FHOD3: variants seen among roughly 807,000 people sequenced by gnomAD.
The protein encoded by FHOD3 is formin homology 2 domain containing 3, also known as FH1/FH2 domain-containing protein 3.
A neutral mutation model predicts 173.0 loss-of-function variants in FHOD3; 90 were observed. The ratio of observed to expected loss-of-function variants is 0.52; its 90% CI spans 0.44 to 0.62. The LOEUF is 0.62. Ranked by LOEUF, FHOD3 falls within the 20% of genes least tolerant of loss-of-function variation. The probability of loss-of-function intolerance (pLI) is 0.00; values close to 1 mark genes in which losing one functional copy is unlikely to be tolerated. For synonymous variants in FHOD3, 828 were observed against 823.0 expected, an observed-to-expected ratio of 1.01 and a Z score of -0.10; for missense variants, 1,945 against 2,034.7, an observed-to-expected ratio of 0.96 and a Z score of 0.85.
chr18:36,517,503 G>A (rs2056056183), intron 5 of FHOD3, among the ~76,000 whole-genome samples: 1 of 152,060 alleles, frequency 6.6e-6, no homozygotes, highest in Non-Finnish European at 1.5e-5. Flanking sequence ...GAGGAGAAAA[G>A]AGAGAGAGAG....
chr18:36,309,395 G>A (rs1230336671), intron 1 of FHOD3, among the ~76,000 whole-genome samples: 1 of 152,206 alleles, frequency 6.6e-6, no homozygotes, highest in East Asian at 1.9e-4. Flanking sequence ...AGTGGTGGCT[G>A]CAGAGTCCAA....
Position 36,414,781 on chromosome 18 carries a change from C to T in FHOD3, c.337+42037C>T, listed in dbSNP as rs545845694. Among the ~76,000 whole-genome samples the T allele has an allele frequency of 5.9e-5, 9 of 152,264 alleles. No homozygotes were observed. The South Asian group carries it at 1.9e-3, about 32-fold the overall frequency. ...GTTTTAACCCTCACAGCCTGCCAGA[C>T]AGGTGGCAGGGGGTTTCTGGGGGCA... On this transcript the variant is annotated intron_variant, in intron 3 of 28. Coordinates refer to ENST00000590592, the MANE Select transcript of FHOD3 (RefSeq NM_001281740.3).
chr18:36,428,323 G>T (rs1307777750), intron 3 of FHOD3, among the ~76,000 whole-genome samples: 2 of 152,168 alleles, frequency 1.3e-5, no homozygotes, highest in Admixed American at 1.3e-4. Flanking sequence ...TGTGTAGTAA[G>T]CGTTAAAGGA....
chr18:36,370,087 C>T (rs1226775465), intron 2 of FHOD3, among the ~76,000 whole-genome samples: 6 of 152,098 alleles, frequency 3.9e-5, no homozygotes, highest in Non-Finnish European at 5.9e-5. Flanking sequence ...CTGTTGTGAA[C>T]CTGGCTGAAT....
intron 14 of FHOD3, among the ~76,000 whole-genome samples, chr18:36,669,383 CT>C (rs551204385): frequency 5.3e-5 from 8 of 151,600 alleles, no homozygotes; most frequent in Non-Finnish European, 7.4e-5. Flanking sequence ...TTAATCCAGT[CT>C]GATAATCTCT....
At chr18:36,419,827 T>C (rs1232141767) in intron 3 of FHOD3, among the ~76,000 whole-genome samples, 2 of 152,242 alleles carry the variant, frequency 1.3e-5, no homozygotes, top group Non-Finnish European at 2.9e-5. Context: ...CTCTCTTTTA[T>C]CCTTCTTTCC....
chr18:36,370,974 C>T (rs1041097990), intron 2 of FHOD3, among the ~76,000 whole-genome samples: 1 of 152,172 alleles, frequency 6.6e-6, no homozygotes, highest in Admixed American at 6.5e-5. Context: ...GTGTTCATGT[C>T]AGGATTTTTG....
At chr18:36,641,121 T>C (rs910892474) in intron 10 of FHOD3, among the ~76,000 whole-genome samples, 3 of 151,988 alleles carry the variant, frequency 2.0e-5, no homozygotes, top group African/African-American at 7.2e-5. Context: ...CTCAGGGCCA[T>C]GGAACTGCAG....
At chr18:36,619,296 G>A (rs1034781782) in intron 9 of FHOD3, among the ~76,000 whole-genome samples, 10 of 152,142 alleles carry the variant, frequency 6.6e-5, no homozygotes, top group Non-Finnish European at 1.3e-4. Context: ...AGCTCTGACT[G>A]TATCTGACAT....
At chr18:36,445,602 T>C (rs193065120) in intron 3 of FHOD3, among the ~76,000 whole-genome samples, 40 of 152,326 alleles carry the variant, frequency 2.6e-4, no homozygotes, top group African/African-American at 6.7e-4. Flanking sequence ...TTATTTGAAG[T>C]AGGAAGAGAT....
At position 36,468,242 on chromosome 18, in the gene FHOD3, G is replaced by A. The variant is rs185220945; in HGVS notation, c.338-33690G>A. 2.0e-5 allele frequency among the ~76,000 whole-genome samples: 3 copies of A among 152,274 alleles called. No homozygotes were observed. The East Asian group carries it at 5.8e-4, about 30-fold the overall frequency. On this transcript the variant is annotated intron_variant, in intron 3 of 28. Transcript: ENST00000590592. ...TCCACCTTAATGACTCTGCAGTGCC[G>A]AAGCCATAGGGATAAGTGGCTACCT...
At chr18:36,652,451 T>C in intron 11 of FHOD3, 119 bp from the exon 12 acceptor site, 1 of 1,248,252 alleles carries the variant, frequency 8.0e-7, no homozygotes, top group Non-Finnish European at 1.1e-6. Flanking sequence ...AGCTTGACTT[T>C]GAAGTGAGTG....
intron 2 of FHOD3, among the ~76,000 whole-genome samples, chr18:36,364,128 C>G (rs964959092): frequency 6.6e-6 from 1 of 152,080 alleles, no homozygotes; most frequent in Admixed American, 6.5e-5. Context: ...TGCCCCACAC[C>G]CTTGTCATAT....
rs922553994 is a variant in FHOD3, at chr18:36,668,457, A to G, written c.1835+10269A>G. On this transcript the variant is annotated intron_variant, in intron 14 of 28. Transcript: ENST00000590592. ...GAGATTTATCAATTTTTTTTTGACCACAAAGAACCAGTTTTTGGTTTCATT... is the reference window on the plus strand; with the variant it reads ...GAGATTTATCAATTTTTTTTTGACCGCAAAGAACCAGTTTTTGGTTTCATT... Among the ~76,000 whole-genome samples, 3 of 151,720 alleles carry G rather than the reference A, an allele frequency of 2.0e-5. No individual in the cohort carries two copies. In the South Asian group the frequency reaches 6.2e-4, roughly 31 times the overall value.
At chr18:36,422,894 C>G (rs746351891) in intron 3 of FHOD3, among the ~76,000 whole-genome samples, 2 of 152,084 alleles carry the variant, frequency 1.3e-5, no homozygotes, top group African/African-American at 4.8e-5. Context: ...ATTTTTGAAA[C>G]TGAGCAGAAA....
At chr18:36,750,401 A>G (rs1460549640) in intron 24 of FHOD3, among the ~76,000 whole-genome samples, 1 of 152,242 alleles carries the variant, frequency 6.6e-6, no homozygotes, top group Non-Finnish European at 1.5e-5. Flanking sequence ...TGTCAGATGC[A>G]TAGTGTGCAA....
At chr18:36,372,453 A>G (rs2047237697) in intron 2 of FHOD3, among the ~76,000 whole-genome samples, 1 of 152,248 alleles carries the variant, frequency 6.6e-6, no homozygotes, top group Non-Finnish European at 1.5e-5. Flanking sequence ...GGAGCTTGGC[A>G]GTGAGATGCA....
At chr18:36,399,967 A>G (rs930430227) in intron 3 of FHOD3, among the ~76,000 whole-genome samples, 1 of 152,188 alleles carries the variant, frequency 6.6e-6, no homozygotes, top group African/African-American at 2.4e-5. Flanking sequence ...GAGTTCCTTC[A>G]TTCACTGGGT....
At chr18:36,666,519 C>T (rs537049365) in intron 14 of FHOD3, among the ~76,000 whole-genome samples, 4 of 152,256 alleles carry the variant, frequency 2.6e-5, no homozygotes, top group Middle Eastern at 3.4e-3. Flanking sequence ...GTTGTGAGGA[C>T]GATCTCATTG....
Sources: allele counts gnomAD v4.1 joint callset (sites outside exome capture counted in the v4.1 genomes callset), GRCh38; gene constraint gnomAD v4.1.1; transcripts MANE v1.5; gene names NCBI Gene and HGNC (gene_info 2026-07-23, HGNC 2026-07-21).